TRABD2B: variants seen among roughly 807,000 people sequenced by gnomAD.
TRABD2B encodes TraB domain containing 2B, also known as metalloprotease TIKI2.
A neutral mutation model predicts 40.1 loss-of-function variants in TRABD2B; 14 were observed. That is an observed-to-expected ratio of 0.35 (90% CI 0.23 to 0.55). TRABD2B has a LOEUF of 0.55. Among genes scored for constraint, TRABD2B ranks in the 20% least tolerant of loss-of-function variants. The pLI, the probability that TRABD2B is intolerant of heterozygous loss-of-function variation, is 0.90. For missense variants in TRABD2B, 541 were observed against 648.6 expected (o/e 0.83, Z 1.80); for synonymous variants, 263 against 277.0 (o/e 0.95, Z 0.50).
chr1:47,800,666 C>T (rs1233427664), intron 3 of TRABD2B, among the ~76,000 whole-genome samples: 1 of 152,168 alleles, frequency 6.6e-6, no homozygotes, highest in Non-Finnish European at 1.5e-5. Context: ...TATTCAAGCA[C>T]AATGACAGAG....
intron 2 of TRABD2B, among the ~76,000 whole-genome samples, chr1:47,884,947 A>G (rs193196093): frequency 3.9e-5 from 6 of 152,180 alleles, no homozygotes; most frequent in African/African-American, 1.4e-4. Context: ...AAACGTTATC[A>G]TGGCACTCTG....
chr1:47,984,482 C>A (rs1003659844), intron 2 of TRABD2B, among the ~76,000 whole-genome samples: 5 of 152,232 alleles, frequency 3.3e-5, no homozygotes, highest in African/African-American at 1.2e-4. Context: ...GTGAAATGGG[C>A]ACAGTCATGC....
chr1:47,814,736 C>T (rs531544951), intron 2 of TRABD2B, among the ~76,000 whole-genome samples: 1 of 152,294 alleles, frequency 6.6e-6, no homozygotes, highest in Admixed American at 6.5e-5. Flanking sequence ...GCGTGGGACC[C>T]GCCTGGGACT....
rs200499195 is a variant in TRABD2B, at chr1:47,960,392, G to A, written c.666+33642C>T. On this transcript the variant is annotated intron_variant, in intron 2 of 6. Coordinates refer to ENST00000606738, the MANE Select transcript of TRABD2B (RefSeq NM_001194986.2). ...CAATCAGGCAGGAGAAAGAAATGAA[G>A]GGGATTCAATTAGGAAAAGAGGAAG... Among the ~76,000 whole-genome samples, 5 of 152,222 alleles carry A rather than the reference G, an allele frequency of 3.3e-5. No individual in the cohort carries two copies. The South Asian group carries it at 1.0e-3, about 32-fold the overall frequency.
At chr1:47,990,577 T>C (rs542066835) in intron 2 of TRABD2B, among the ~76,000 whole-genome samples, 2 of 151,532 alleles carry the variant, frequency 1.3e-5, no homozygotes, top group East Asian at 3.9e-4. Context: ...GCCTAGACTG[T>C]TTGCCAAGCA....
intron 2 of TRABD2B, among the ~76,000 whole-genome samples, chr1:47,809,237 T>A (rs1644930678): frequency 6.6e-6 from 1 of 152,082 alleles, no homozygotes; most frequent in Non-Finnish European, 1.5e-5. Flanking sequence ...TACTCCCCAT[T>A]TTATTACTAA....
At position 47,764,569 on chromosome 1, in the gene TRABD2B, T is replaced by C. The variant is rs1243351132; in HGVS notation, c.*1333A>G. ...GCCTTTGATTTGGCAGGAAAGCTTC[T>C]CGTGGGCTCCAAGATCTGGCAAGTC... On this transcript the variant is annotated 3_prime_UTR_variant, in exon 7 of 7. Transcript: ENST00000606738. The C allele has an allele frequency of 6.6e-6, 1 of 152,174 alleles. No homozygotes were observed. The highest frequency in any genetic ancestry group is 1.5e-5 in the Non-Finnish European group (1 of 68,042). The allele number at this position is 152,174 out of a possible 1,614,324, so 9.4% of individuals were successfully genotyped here.
chr1:47,872,789 G>A (rs547731995), intron 2 of TRABD2B, among the ~76,000 whole-genome samples: 1 of 152,288 alleles, frequency 6.6e-6, no homozygotes, highest in South Asian at 2.1e-4. Context: ...AAGGTCCAGG[G>A]AGTGGGGGGA....
rs1646056123 is a variant in TRABD2B, at chr1:47,994,260, G to A, written c.440C>T (p.Ala147Val). Residue 147 changes from alanine to valine, a missense_variant, in exon 2 of 7, where the codon GCT becomes GTT. Ala to Val is a moderately conservative substitution (Grantham distance 64). Around this residue, in one of 2 missense-constraint regions of TRABD2B, gnomAD observed 369 missense variants for 492.8 expected, o/e 0.75. Coordinates refer to ENST00000606738, the MANE Select transcript of TRABD2B (RefSeq NM_001194986.2). The surrounding 1 kb of genome is among the most constrained non-coding windows in gnomAD (Gnocchi z 6.7). ...TPAQRGKGLY[A>V]DYLFNAIAGN... ...CGCGATGGCATTGAATAGGTAGTCA[G>A]CATAGAGCCCCTTGCCCCGCTGAGC... 2.0e-6 allele frequency: 3 copies of A among 1,537,778 alleles called. No individual in the cohort carries two copies. The highest frequency in any genetic ancestry group is 2.6e-6 in the Non-Finnish European group (3 of 1,147,424).
chr1:47,916,601 G>A (rs1262233142), intron 2 of TRABD2B, among the ~76,000 whole-genome samples: 2 of 152,258 alleles, frequency 1.3e-5, no homozygotes, highest in Non-Finnish European at 2.9e-5. Flanking sequence ...ATCTCACAGA[G>A]GGTGACGAAA....
intron 2 of TRABD2B, among the ~76,000 whole-genome samples, chr1:47,917,435 TC>T (rs1358240040): frequency 6.6e-6 from 1 of 152,180 alleles, no homozygotes; most frequent in African/African-American, 2.4e-5. Flanking sequence ...AAACCAGAGT[TC>T]TTGGCCAGGT....
At chr1:47,798,363 GC>G (rs1396211870) in intron 3 of TRABD2B, among the ~76,000 whole-genome samples, 1 of 152,192 alleles carries the variant, frequency 6.6e-6, no homozygotes, top group African/African-American at 2.4e-5. Flanking sequence ...AATGCATGCA[GC>G]AACTCTACAC....
At chr1:47,960,533 C>T (rs1306857246) in intron 2 of TRABD2B, among the ~76,000 whole-genome samples, 2 of 152,198 alleles carry the variant, frequency 1.3e-5, no homozygotes, top group African/African-American at 4.8e-5. Flanking sequence ...GATACAAAAT[C>T]AATGTGCAAA....
chr1:47,899,790 C>T (rs7532992), intron 2 of TRABD2B, among the ~76,000 whole-genome samples: 74,927 of 151,794 alleles, frequency 0.49, 20,274 homozygotes, highest in South Asian at 0.66. Flanking sequence ...CGATGCAGCC[C>T]CCAGGTCCCA....
At position 47,765,460 on chromosome 1, in the gene TRABD2B, C is replaced by G. The variant is rs898288121; in HGVS notation, c.*442G>C. ...ACAAAGGCTAAGCCTGCCTGCCTGC[C>G]CCTCCTGCTGAGGGCCCCACAGTCG... On this transcript the variant is annotated 3_prime_UTR_variant, in exon 7 of 7. Coordinates refer to ENST00000606738, the MANE Select transcript of TRABD2B (RefSeq NM_001194986.2). The G allele has an allele frequency of 1.9e-5, 3 of 161,646 alleles. No homozygotes were observed. The highest frequency in any genetic ancestry group is 7.2e-5 in the African/African-American group (3 of 41,638). The allele number at this position is 161,646 out of a possible 1,614,324, so 10.0% of individuals were successfully genotyped here.
intron 3 of TRABD2B, chr1:47,795,746 C>T: frequency 1.0e-6 from 1 of 976,110 alleles, no homozygotes; most frequent in Non-Finnish European, 1.2e-6. Context: ...CATCTGCTGC[C>T]ACCACCAACT....
At chr1:47,889,830 C>T (rs1046771994) in intron 2 of TRABD2B, among the ~76,000 whole-genome samples, 8 of 152,222 alleles carry the variant, frequency 5.3e-5, no homozygotes, top group African/African-American at 4.8e-5. Context: ...CTGAGTCTCT[C>T]GTTCTCCATG....
chr1:47,893,438 T>A (rs920352684), intron 2 of TRABD2B, among the ~76,000 whole-genome samples: 3 of 152,136 alleles, frequency 2.0e-5, no homozygotes, highest in Admixed American at 2.0e-4. Context: ...ATCTGGGGGA[T>A]GTTGAACAAA....
intron 4 of TRABD2B, among the ~76,000 whole-genome samples, chr1:47,782,188 G>A (rs1178131203): frequency 2.6e-5 from 4 of 152,204 alleles, no homozygotes; most frequent in Middle Eastern, 3.4e-3. Context: ...TTCCTTCTCT[G>A]CAACAATGTC....
Sources: allele counts gnomAD v4.1 joint callset (sites outside exome capture counted in the v4.1 genomes callset), GRCh38; gene constraint gnomAD v4.1.1; regional missense constraint gnomAD v4.1.1; non-coding constraint Gnocchi (gnomAD v3.1); transcripts MANE v1.5; gene names NCBI Gene and HGNC (gene_info 2026-07-23, HGNC 2026-07-21).